The following FCHSD2 variants were observed in gnomAD, a reference collection of about 807,000 sequenced individuals.
FCHSD2 encodes FCH and double SH3 domains 2.
In FCHSD2, 38 loss-of-function variants were observed where a neutral mutation model predicts 108.1. The observed-to-expected ratio is 0.35, with a 90% CI of 0.27 to 0.46. FCHSD2 has a LOEUF of 0.46. FCHSD2 is among the 20% of genes least tolerant of loss of function. The pLI is 1.00. For missense variants in FCHSD2, 751 were observed against 897.8 expected, an observed-to-expected ratio of 0.84 and a Z score of 2.09; for synonymous variants, 279 against 314.7, an observed-to-expected ratio of 0.89 and a Z score of 1.20.
intron 3 of FCHSD2, among the ~76,000 whole-genome samples, chr11:73,050,506 T>C (rs1273654549): frequency 1.3e-5 from 2 of 152,192 alleles, no homozygotes; most frequent in African/African-American, 4.8e-5. Context: ...GCTGAATATA[T>C]AAGGCTCTTA....
intron 8 of FCHSD2, among the ~76,000 whole-genome samples, chr11:72,951,027 A>T (rs1856611647): frequency 6.6e-6 from 1 of 152,192 alleles, no homozygotes; most frequent in African/African-American, 2.4e-5. Context: ...CTAGAACTCA[A>T]ATAAATCAAT....
At chr11:73,014,979 G>A (rs1043857046) in intron 4 of FCHSD2, among the ~76,000 whole-genome samples, 6 of 152,108 alleles carry the variant, frequency 3.9e-5, no homozygotes, top group Non-Finnish European at 5.9e-5. Flanking sequence ...AAGTAGCTGC[G>A]ATTACAGGTG....
chr11:72,945,651 C>T (rs1396135266), intron 8 of FCHSD2, among the ~76,000 whole-genome samples: 1 of 152,160 alleles, frequency 6.6e-6, no homozygotes, highest in Non-Finnish European at 1.5e-5. Context: ...ATCTACTCAT[C>T]TGACAAAGGG....
At chr11:73,039,905 C>G (rs917339578) in intron 3 of FCHSD2, among the ~76,000 whole-genome samples, 1 of 116,090 alleles carries the variant, frequency 8.6e-6, no homozygotes, top group East Asian at 2.3e-4. Context: ...ATTTTCATAT[C>G]CCTAATTAAT....
chr11:72,910,590 C>A (rs903405592), intron 9 of FCHSD2, among the ~76,000 whole-genome samples: 2 of 152,086 alleles, frequency 1.3e-5, no homozygotes, highest in Non-Finnish European at 2.9e-5. Flanking sequence ...AAGGGTGGTG[C>A]AAGATGTGCT....
intron 8 of FCHSD2, among the ~76,000 whole-genome samples, chr11:72,951,773 T>C (rs1856624616): frequency 1.3e-5 from 2 of 152,320 alleles, no homozygotes; most frequent in South Asian, 4.1e-4. Flanking sequence ...TTCCCATTGA[T>C]TTGAGGTTTA....
rs1340302778 is a variant in FCHSD2 at position 72,992,435 on chromosome 11, A to G, written c.388-3338T>C. On this transcript the variant is annotated intron_variant, in intron 5 of 19. Coordinates refer to ENST00000409418, the MANE Select transcript of FCHSD2 (RefSeq NM_014824.3). ...TAAAGTTCATATGGAACCAAAAAAG[A>G]GCCCGCATTGCCAAGTCAATCCTAA... is the stretch of plus-strand genomic sequence containing the variant. 2.0e-5 allele frequency among the ~76,000 whole-genome samples: 3 copies of G among 152,208 alleles called. No homozygotes were observed. The East Asian group carries it at 5.8e-4, about 29-fold the overall frequency.
intron 9 of FCHSD2, 44 bp downstream of exon 9, chr11:72,921,784 T>G: frequency 2.6e-6 from 4 of 1,546,850 alleles, no homozygotes; most frequent in Non-Finnish European, 3.6e-6. Flanking sequence ...ATACTTTAGC[T>G]TCTAAGTTGG....
At chr11:73,140,192 G>A (rs1362102824) in intron 1 of FCHSD2, 64 bp from the exon 2 acceptor site, 18 of 837,274 alleles carry the variant, frequency 2.1e-5, no homozygotes, top group Non-Finnish European at 3.0e-5. Flanking sequence ...ATTGCTTCAG[G>A]AAAATACATC....
At chr11:73,007,996 C>T (rs754311643) in intron 4 of FCHSD2, among the ~76,000 whole-genome samples, 6 of 152,120 alleles carry the variant, frequency 3.9e-5, no homozygotes, top group Admixed American at 2.0e-4. Context: ...CAGGTCTTCC[C>T]TAGGCTTAGA....
chr11:73,098,735 T>A (rs950772223), intron 2 of FCHSD2, among the ~76,000 whole-genome samples: 2 of 152,122 alleles, frequency 1.3e-5, no homozygotes, highest in Non-Finnish European at 2.9e-5. Flanking sequence ...TGAAAGTGGA[T>A]CCCTATCTCA....
chr11:73,113,119 T>C (rs952429821), intron 2 of FCHSD2, among the ~76,000 whole-genome samples: 5 of 152,208 alleles, frequency 3.3e-5, no homozygotes, highest in African/African-American at 1.2e-4. Context: ...TAAGAAATTA[T>C]GATGCATTAT....
chr11:73,039,833 A>G (rs1429545202), intron 3 of FCHSD2, among the ~76,000 whole-genome samples: 2 of 152,208 alleles, frequency 1.3e-5, no homozygotes, highest in African/African-American at 4.8e-5. Flanking sequence ...CTAGAAAAAG[A>G]CAACAATTAA....
At chr11:72,963,436 C>T (rs1856851249) in intron 8 of FCHSD2, among the ~76,000 whole-genome samples, 1 of 152,138 alleles carries the variant, frequency 6.6e-6, no homozygotes, top group South Asian at 2.1e-4. Context: ...TTTCCCAAGG[C>T]TGCAAAACTG....
chr11:73,093,669 T>C (rs1407288064), intron 2 of FCHSD2, among the ~76,000 whole-genome samples: 1 of 152,074 alleles, frequency 6.6e-6, no homozygotes, highest in African/African-American at 2.4e-5. Context: ...TGACGCGGTC[T>C]TGGCTCACCA....
intron 8 of FCHSD2, among the ~76,000 whole-genome samples, chr11:72,938,831 T>C (rs1856355889): frequency 6.6e-6 from 1 of 152,210 alleles, no homozygotes; most frequent in African/African-American, 2.4e-5. Flanking sequence ...TAATTTATCA[T>C]TTTGGTTTTT....
intron 12 of FCHSD2, among the ~76,000 whole-genome samples, chr11:72,873,182 A>G (rs1001058127): frequency 2.6e-5 from 4 of 151,850 alleles, no homozygotes; most frequent in African/African-American, 9.7e-5. Context: ...ACAAAAAATT[A>G]GCCGGACACG....
At chr11:73,086,925 A>G (rs922490585) in intron 2 of FCHSD2, among the ~76,000 whole-genome samples, 5 of 152,266 alleles carry the variant, frequency 3.3e-5, no homozygotes, top group African/African-American at 1.2e-4. Flanking sequence ...AACCTTAAGA[A>G]TATTATGCAA....
At chr11:72,987,297 A>G (rs377509184) in intron 6 of FCHSD2, among the ~76,000 whole-genome samples, 8 of 152,310 alleles carry the variant, frequency 5.3e-5, no homozygotes, top group African/African-American at 1.9e-4. Flanking sequence ...CACTTCTTCT[A>G]TAAAGCTTTC....
Sources: gnomAD v4.1 joint callset for allele counts (sites outside exome capture counted in the v4.1 genomes callset) on GRCh38, gnomAD v4.1.1 for gene constraint, MANE v1.5 for transcripts, NCBI Gene and HGNC (gene_info 2026-07-23, HGNC 2026-07-21) for gene names.